Variants in ASPRV1 observed in about 807,000 individuals in gnomAD.
ASPRV1 encodes the protein aspartic peptidase retroviral like 1.
A neutral mutation model predicts 11.0 loss-of-function variants in ASPRV1; 7 were observed. The observed-to-expected ratio is 0.64, with a 90% CI of 0.36 to 1.20. The LOEUF (loss-of-function observed/expected upper bound fraction) is 1.20, where lower values mean the gene tolerates loss of function less well. Among genes scored for constraint, ASPRV1 ranks in the 50% most tolerant of loss-of-function variants. The pLI is 0.02. For missense variants in ASPRV1, 299 were observed against 320.0 expected (o/e 0.93, Z 0.50); for synonymous variants, 136 against 138.4 (o/e 0.98, Z 0.12).
the ASPRV1 span, among the ~76,000 whole-genome samples, chr2:70,024,086 A>G: frequency 2.1e-5 from 3 of 143,704 alleles, no homozygotes; most frequent in Non-Finnish European, 3.0e-5. Flanking sequence ...TCCCGTCACT[A>G]TTAAAAAAAA....
the ASPRV1 span, among the ~76,000 whole-genome samples, chr2:70,080,532 T>G: frequency 1.3e-5 from 2 of 152,074 alleles, no homozygotes; most frequent in Non-Finnish European, 2.9e-5. Flanking sequence ...CGGCCACCCC[T>G]TCTTTTTTTT....
chr2:69,938,248 G>T, the ASPRV1 span: 13 of 1,614,188 alleles, frequency 8.1e-6, no homozygotes, highest in Non-Finnish European at 1.1e-5. Context: ...AGAGAATAAA[G>T]CTGCAGGACA....
the ASPRV1 span, chr2:70,045,351 C>A: frequency 6.6e-6 from 1 of 152,290 alleles, no homozygotes; most frequent in South Asian, 2.1e-4. Flanking sequence ...AATGGGAATA[C>A]TTTATTGGTT....
chr2:70,085,613 GTT>G, the ASPRV1 span: 1 of 150,828 alleles, frequency 6.6e-6, no homozygotes. Flanking sequence ...TCATCTTTAT[GTT>G]TGTCTTCCTC....
the ASPRV1 span, among the ~76,000 whole-genome samples, chr2:70,058,707 C>G: frequency 6.7e-6 from 1 of 149,494 alleles, no homozygotes; most frequent in African/African-American, 2.5e-5. Flanking sequence ...CGCCTGCCAG[C>G]ACACCCGGCT....
the ASPRV1 span, chr2:69,988,585 A>G: frequency 2.9e-6 from 1 of 339,680 alleles, no homozygotes; most frequent in Non-Finnish European, 5.9e-6. Flanking sequence ...AAGATGAAGA[A>G]GTTCTGAAGA....
At chr2:69,958,013 C>T (rs1677979235), downstream of ASPRV1, among the ~76,000 whole-genome samples, 1 of 152,130 alleles carries the variant, frequency 6.6e-6, no homozygotes, top group East Asian at 1.9e-4. Flanking sequence ...GTTCAAACGC[C>T]CACTGTGGGA....
In ASPRV1 at chr2:69,960,578, C is replaced by T; in HGVS notation, c.*79G>A. 1 of 1,433,566 alleles carries T rather than the reference C, an allele frequency of 7.0e-7. No homozygotes were observed. The highest frequency in any genetic ancestry group is 9.4e-7 in the Non-Finnish European group (1 of 1,059,054). 88.8% of individuals were successfully genotyped at this position (1,433,566 alleles called of 1,614,324 possible). A position where few individuals can be genotyped will look rare whatever the true frequency, so the allele number is the denominator to read the frequency against. The stretch of plus-strand genomic sequence containing the variant: ...AAGCAGACTGGCCAAGCCCAGTGAC[C>T]CCCATGAGGATATGCAACCCCCCCC... On this transcript the variant is annotated 3_prime_UTR_variant, in exon 1 of 1. Coordinates refer to ENST00000320256, the MANE Select transcript of ASPRV1 (RefSeq NM_152792.4).
chr2:69,963,671 G>A (rs1351847237), upstream of ASPRV1, among the ~76,000 whole-genome samples: 1 of 152,186 alleles, frequency 6.6e-6, no homozygotes, highest in Non-Finnish European at 1.5e-5. Context: ...GAAATCGGTG[G>A]TCCCTTGGGA....
chr2:70,041,091 C>T, the ASPRV1 span, among the ~76,000 whole-genome samples: 5 of 152,308 alleles, frequency 3.3e-5, no homozygotes, highest in East Asian at 3.9e-4. Flanking sequence ...GCTCAAAGAA[C>T]ATACCTAAGG....
At chr2:70,054,291 C>G in the ASPRV1 span, 1 of 129,842 alleles carries the variant, frequency 7.7e-6, no homozygotes, top group South Asian at 2.4e-4. Flanking sequence ...GACTCCGTCT[C>G]AAAAAATAAA....
At chr2:69,951,535 CATAT>C in the ASPRV1 span, among the ~76,000 whole-genome samples, 251 of 140,682 alleles carry the variant, frequency 1.8e-3, 2 homozygotes, top group African/African-American at 5.3e-3. Flanking sequence ...ACACTCATAT[CATAT>C]ATATACACAT....
rs746044814 is a variant in ASPRV1 at position 69,961,517 on chromosome 2, T to C, written c.-81A>G. Reference sequence around the variant, plus strand: ...CAGAGCAGTGTCGGCGCAATCACGCTGGAAAACGGGGCCTCTCGAAGCAGA... The same window carrying C: ...CAGAGCAGTGTCGGCGCAATCACGCCGGAAAACGGGGCCTCTCGAAGCAGA... On this transcript the variant is annotated 5_prime_UTR_variant, in exon 1 of 1. Transcript: ENST00000320256. 17 of 1,614,008 alleles carry C rather than the reference T, an allele frequency of 1.1e-5. No individual in the cohort carries two copies. The highest frequency in any genetic ancestry group is 1.7e-5 in the Admixed American group (1 of 59,996).
the ASPRV1 span, chr2:69,937,145 G>T: frequency 1.9e-4 from 286 of 1,522,174 alleles, no homozygotes; most frequent in Non-Finnish European, 2.3e-4. Flanking sequence ...GAAGTGTGGC[G>T]CATTCCACTG....
chr2:70,076,388 T>C, the ASPRV1 span, among the ~76,000 whole-genome samples: 4 of 152,374 alleles, frequency 2.6e-5, no homozygotes, highest in Non-Finnish European at 5.9e-5. Flanking sequence ...TTATCCATCT[T>C]TTAAATGAGA....
At chr2:70,061,113 AGGCCGGGCAC>A in the ASPRV1 span, among the ~76,000 whole-genome samples, 1 of 151,210 alleles carries the variant, frequency 6.6e-6, no homozygotes, top group Non-Finnish European at 1.5e-5. Flanking sequence ...GGCAAAGGAC[AGGCCGGGCAC>A]GGTGGCTCAT....
the ASPRV1 span, among the ~76,000 whole-genome samples, chr2:70,017,283 G>A: frequency 1.3e-5 from 2 of 152,122 alleles, no homozygotes; most frequent in South Asian, 2.1e-4. Context: ...GAGCCACCAC[G>A]CCCAACCTGA....
At chr2:70,013,721 C>G in the ASPRV1 span, among the ~76,000 whole-genome samples, 1 of 152,140 alleles carries the variant, frequency 6.6e-6, no homozygotes, top group Non-Finnish European at 1.5e-5. Context: ...GAAACCCCAT[C>G]TCTACAAAAA....
At chr2:70,084,651 T>C in the ASPRV1 span, among the ~76,000 whole-genome samples, 8 of 152,206 alleles carry the variant, frequency 5.3e-5, no homozygotes, top group African/African-American at 1.9e-4. Flanking sequence ...AGAATAGAAA[T>C]TACCCAAGTA....
Sources: allele counts gnomAD v4.1 joint callset (sites outside exome capture counted in the v4.1 genomes callset), GRCh38; gene constraint gnomAD v4.1.1; transcripts MANE v1.5; gene names NCBI Gene and HGNC (gene_info 2026-07-23, HGNC 2026-07-21).